The following QRICH2 variants were observed in gnomAD, a reference collection of about 807,000 sequenced individuals.
The protein encoded by QRICH2 is glutamine rich 2.
Under a neutral mutation model 168.3 loss-of-function variants are expected in QRICH2, and 119 were observed. That is an observed-to-expected ratio of 0.71 (90% confidence interval 0.61 to 0.82). QRICH2 has a LOEUF of 0.82. Among genes scored for constraint, QRICH2 ranks in the 40% least tolerant of loss-of-function variants. The pLI is 0.00. For synonymous variants in QRICH2, 894 were observed against 951.2 expected (o/e 0.94, Z 1.11); for missense variants, 2,241 against 2,491.6 (o/e 0.90, Z 2.14).
At chr17:76,289,949 CT>C (rs774658062) in intron 5 of QRICH2, 42 bp downstream of exon 5, 33 of 1,355,326 alleles carry the variant, frequency 2.4e-5, no homozygotes, top group Non-Finnish European at 3.1e-5. Flanking sequence ...AAAACTCCAT[CT>C]CAAAAAAAAA....
At chr17:76,277,396 G>A in intron 15 of QRICH2, 86 bp from the exon 16 acceptor site, 1 of 1,471,140 alleles carries the variant, frequency 6.8e-7, no homozygotes, top group Non-Finnish European at 9.3e-7. Context: ...CTGACCAGAG[G>A]GAAGGGGCAC....
In QRICH2 at chr17:76,293,212, T is replaced by C. The variant is rs1021568559; in HGVS notation, c.1515A>G (p.Leu505=). The change falls in exon 4 of 19, where the codon CTA becomes CTG. Residue 505 remains leucine (L), a synonymous_variant. Transcript: ENST00000680821. ...CTTGCTGGTCTATACCAGGGGGTAC[T>C]AGTCCTTGCTGACCCATGCCTGATA... ...CVISGMGQQG[L]VPPGIDQQGL... The C allele has an allele frequency of 6.2e-7, 1 of 1,614,138 alleles. No homozygotes were observed. Among genetic ancestry groups the C allele is most frequent in the Non-Finnish European group, 8.5e-7 (1 of 1,180,044 alleles).
intron 16 of QRICH2, 121 bp downstream of exon 16, chr17:76,277,042 G>C (rs1222051014): frequency 2.3e-5 from 25 of 1,099,450 alleles, no homozygotes; most frequent in African/African-American, 3.2e-5. Flanking sequence ...GACTGGGTCT[G>C]ATTAAGGAAT....
upstream of QRICH2, among the ~76,000 whole-genome samples, chr17:76,308,868 C>T (rs929003502): frequency 1.3e-5 from 2 of 151,958 alleles, no homozygotes; most frequent in Non-Finnish European, 2.9e-5. Flanking sequence ...GCCTCAGCCT[C>T]CCGAGTAGCT....
intron 12 of QRICH2, among the ~76,000 whole-genome samples, chr17:76,279,673 G>A (rs2070750891): frequency 1.3e-5 from 2 of 152,172 alleles, no homozygotes; most frequent in African/African-American, 2.4e-5. Context: ...CCCCCTGGCG[G>A]CCACGAATGG....
chr17:76,275,863 G>A lies in QRICH2; in HGVS notation c.5438C>T (p.Pro1813Leu). 1 of 1,608,278 alleles carries A rather than the reference G, an allele frequency of 6.2e-7. No homozygotes were observed. The highest frequency in any genetic ancestry group is 8.5e-7 in the Non-Finnish European group (1 of 1,179,916). ...PPSLSSNGQL[P>L]SRPQSAQISA... ...AATCTGGGCGCTCTGTGGCCGAGAG[G>A]GCAGCTGGCCATTGCTGCTGAGGGA... Residue 1813 changes from proline to leucine, a missense_variant, in exon 18 of 19, where the codon CCC becomes CTC. Pro to Leu is a moderately conservative substitution (Grantham distance 98). Coordinates refer to ENST00000680821, the MANE Select transcript of QRICH2 (RefSeq NM_001388453.1).
At chr17:76,309,264 G>C (rs529865231), upstream of QRICH2, among the ~76,000 whole-genome samples, 1 of 150,188 alleles carries the variant, frequency 6.7e-6, no homozygotes, top group Non-Finnish European at 1.5e-5. Flanking sequence ...GCTGAGGCAG[G>C]AGAATCGCGT....
chr17:76,301,917 TGA>T (rs1407135993), intron 3 of QRICH2, among the ~76,000 whole-genome samples: 109 of 135,782 alleles, frequency 8.0e-4, no homozygotes, highest in South Asian at 1.5e-3. Context: ...TGTGTGTGTG[TGA>T]GACAGAGTCT....
Position 76,306,070 on chromosome 17 carries a change from C to T in QRICH2, c.535-1129G>A, listed in dbSNP as rs1325024408. Among the ~76,000 whole-genome samples, 4 of 145,614 alleles carry T rather than the reference C, an allele frequency of 2.7e-5. No homozygotes were observed. In the East Asian group the frequency reaches 8.5e-4, roughly 31 times the overall value. On this transcript the variant is annotated intron_variant, in intron 1 of 18. Coordinates refer to ENST00000680821, the MANE Select transcript of QRICH2 (RefSeq NM_001388453.1). ...CTATAATCCTAGCTACTCGGGAAGC[C>T]GAGGCAGGAGAATTCCTTGAACCCA...
intron 16 of QRICH2, 43 bp downstream of exon 16, chr17:76,277,120 T>C (rs2070694542): frequency 3.3e-6 from 5 of 1,507,778 alleles, no homozygotes; most frequent in Non-Finnish European, 3.5e-6. Flanking sequence ...TCTGGAGCCA[T>C]GTCAGGGCCT....
chr17:76,298,201 T>TTTTTG (rs2070834151), intron 3 of QRICH2, among the ~76,000 whole-genome samples: 3 of 142,468 alleles, frequency 2.1e-5, no homozygotes, highest in Admixed American at 1.4e-4. Context: ...TTTTTTTTTT[T>TTTTTG]GAGACGGAGT....
chr17:76,308,906 C>G (rs892001770), upstream of QRICH2, among the ~76,000 whole-genome samples: 15 of 150,998 alleles, frequency 9.9e-5, no homozygotes, highest in African/African-American at 3.7e-4. Flanking sequence ...GTACCATGCC[C>G]GGCTAATTTT....
At position 76,307,164 on chromosome 17, in the gene QRICH2, G is replaced by A. The variant is rs1339628168; in HGVS notation, c.534+301C>T. Among the ~76,000 whole-genome samples, 3 of 152,176 alleles carry A rather than the reference G, an allele frequency of 2.0e-5. No individual in the cohort carries two copies. Among genetic ancestry groups the A allele is most frequent in the Non-Finnish European group, 4.4e-5 (3 of 68,014 alleles). On this transcript the variant is annotated intron_variant, in intron 1 of 18. Coordinates refer to ENST00000680821, the MANE Select transcript of QRICH2 (RefSeq NM_001388453.1). The surrounding 1 kb of genome is among the most constrained non-coding windows in gnomAD (Gnocchi z 5.3). Reference sequence around the variant, plus strand: ...CCGTAAACAGGGGCTAGGAAGGAGGGGGTGGGATGGGGCCACTACACTTAG... The same window carrying A: ...CCGTAAACAGGGGCTAGGAAGGAGGAGGTGGGATGGGGCCACTACACTTAG...
Position 76,293,705 on chromosome 17 carries a change from C to T in QRICH2, c.1022G>A (p.Arg341His), listed in dbSNP as rs147830330. 2,752 of 1,614,148 alleles carry T rather than the reference C, an allele frequency of 1.7e-3. 62 individuals carry two copies. The Admixed American group carries it at 0.041, about 24-fold the overall frequency. ...GGTAAGCTTCTCTCTACTCCTGTGACGATCTGAGTCTGATTTGAATTGGAA... is the reference window on the plus strand; with the variant it reads ...GGTAAGCTTCTCTCTACTCCTGTGATGATCTGAGTCTGATTTGAATTGGAA... ...STFQFKSDSDRHRSREKLTST... is the reference protein window; with the variant it reads ...STFQFKSDSDHHRSREKLTST... Residue 341 changes from arginine to histidine, a missense_variant, in exon 4 of 19, where the codon CGT becomes CAT. By Grantham distance (29) the Arg-to-His change is conservative. This residue lies in a region of QRICH2 where 2,047 missense variants were observed against 2,303.8 expected (regional missense o/e 0.89). Coordinates refer to ENST00000680821, the MANE Select transcript of QRICH2 (RefSeq NM_001388453.1).
rs771278606 is a variant in QRICH2 at position 76,280,882 on chromosome 17, G to A, written c.4335C>T (p.Ile1445=). 1 of 1,613,578 alleles carries A rather than the reference G, an allele frequency of 6.2e-7. No individual in the cohort carries two copies. The highest frequency in any genetic ancestry group is 1.7e-5 in the Admixed American group (1 of 60,026). The part of the protein sequence containing the change: ...QVQGDCEKLN[I]TTSNLIEDHR... ...GGTCCTCGATGAGGTTGCTGGTGGT[G>A]ATGTTGAGCTTCTCGCAGTCACCCT... Residue 1445 remains isoleucine (I), a synonymous_variant, in exon 9 of 19, where the codon ATC becomes ATT. Coordinates refer to ENST00000680821, the MANE Select transcript of QRICH2 (RefSeq NM_001388453.1). The surrounding 1 kb of genome is among the most constrained non-coding windows in gnomAD (Gnocchi z 7.4).
chr17:76,284,910 C>A (rs67017503), intron 7 of QRICH2, among the ~76,000 whole-genome samples: 36,431 of 151,184 alleles, frequency 0.24, 8,052 homozygotes, highest in African/African-American at 0.59. Context: ...GGGAAACGCA[C>A]ATCAAAACTA....
chr17:76,278,892 T>C (rs2070736217), intron 14 of QRICH2, 149 bp downstream of exon 14: 1 of 727,744 alleles, frequency 1.4e-6, no homozygotes, highest in Non-Finnish European at 2.4e-6. Flanking sequence ...CACTGTCCCA[T>C]TCCAAGGAGG....
Position 76,292,212 on chromosome 17 carries a change from G to A in QRICH2, c.2515C>T (p.Arg839Cys), listed in dbSNP as rs575892631. 5.8e-5 allele frequency: 88 copies of A among 1,523,374 alleles called. 2 individuals carry two copies. In the South Asian group the frequency reaches 9.1e-4, roughly 16 times the overall value. The allele number at this position is 1,523,374 out of a possible 1,614,324, so 94.4% of individuals were successfully genotyped here. ...ACTGCACCAGGTTGGACCAAACCAC[G>A]CTGAACTGCACCAGGTTGAACCAAA... ...RGLVQPGAVQ[R>C]GLVQPGAVQH... Residue 839 changes from arginine (R) to cysteine (C), a missense_variant, in exon 4 of 19, where the codon CGT (arginine) becomes TGT (cysteine). Arg to Cys is a radical substitution (Grantham distance 180, BLOSUM62 -3). Transcript: ENST00000680821.
In QRICH2 at chr17:76,304,460, T is replaced by C. The variant is rs754752222; in HGVS notation, c.660A>G (p.Glu220=). Residue 220 remains glutamate, a synonymous_variant, in exon 3 of 19, where the codon GAA becomes GAG. Transcript: ENST00000680821. ...CGTCCGTAATCGCCTGCTCCAGCTCTTCCCAGGTGACCATGGTGACTTCTT... is the reference window on the plus strand; with the variant it reads ...CGTCCGTAATCGCCTGCTCCAGCTCCTCCCAGGTGACCATGGTGACTTCTT... ...GAEEVTMVTW[E]ELEQAITDGW... 1.2e-6 allele frequency: 2 copies of C among 1,613,874 alleles called. No homozygotes were observed. Among genetic ancestry groups the C allele is most frequent in the Non-Finnish European group, 1.7e-6 (2 of 1,179,994 alleles).
Sources: allele counts gnomAD v4.1 joint callset (sites outside exome capture counted in the v4.1 genomes callset), GRCh38; gene constraint gnomAD v4.1.1; regional missense constraint gnomAD v4.1.1; non-coding constraint Gnocchi (gnomAD v3.1); transcripts MANE v1.5; gene names NCBI Gene and HGNC (gene_info 2026-07-23, HGNC 2026-07-21).